Variants in TAT observed in about 807,000 individuals in gnomAD.
The protein encoded by TAT is tyrosine aminotransferase.
A neutral mutation model predicts 53.6 loss-of-function variants in TAT; 35 were observed. That is an observed-to-expected ratio of 0.65 (90% CI 0.50 to 0.87). TAT has a LOEUF of 0.87. Ranked by LOEUF, TAT falls within the 40% of genes least tolerant of loss-of-function variation. The pLI is 0.00. For missense variants in TAT, 525 were observed against 571.8 expected (o/e 0.92, Z 0.83); for synonymous variants, 197 against 206.5 (o/e 0.95, Z 0.39).
At chr16:71,568,836 C>T (rs372893773) in intron 10 of TAT, 27 bp from the exon 11 acceptor site, 261 of 1,582,330 alleles carry the variant, frequency 1.6e-4, no homozygotes, top group Non-Finnish European at 2.2e-4. Flanking sequence ...GAGAGGCCAA[C>T]TTATCAGAAG....
At chr16:71,571,713 T>C (rs1233565102) in intron 6 of TAT, 55 bp from the exon 7 acceptor site, 51 of 1,483,496 alleles carry the variant, frequency 3.4e-5, no homozygotes, top group Non-Finnish European at 4.7e-5. Flanking sequence ...TATCATGTAA[T>C]AGTCACATAA....
At chr16:71,571,242 G>A (rs1307754732) in intron 7 of TAT, among the ~76,000 whole-genome samples, 1 of 152,086 alleles carries the variant, frequency 6.6e-6, no homozygotes, top group East Asian at 1.9e-4. Context: ...CTTACCATAC[G>A]TTATGTAACA....
intron 10 of TAT, 44 bp from the exon 11 acceptor site, chr16:71,568,853 G>C: frequency 6.9e-7 from 1 of 1,451,014 alleles, no homozygotes. Flanking sequence ...GAAGGAGGGA[G>C]AACAGGCCAA....
At chr16:71,570,578 T>C (rs2044195529) in intron 8 of TAT, 101 bp downstream of exon 8, 1 of 1,583,782 alleles carries the variant, frequency 6.3e-7, no homozygotes. Context: ...GCTGCTTGAC[T>C]GACAAGGAGA....
chr16:71,572,267 T>G lies in TAT; in HGVS notation c.625A>C (p.Thr209Pro). The G allele has an allele frequency of 1.9e-6, 3 of 1,614,220 alleles. No homozygotes were observed. The highest frequency in any genetic ancestry group is 2.5e-6 in the Non-Finnish European group (3 of 1,180,020). The change falls in exon 6 of 12, where the codon ACA (threonine) becomes CCA (proline). Residue 209 changes from threonine to proline, a missense_variant. Coordinates refer to ENST00000355962, the MANE Select transcript of TAT (RefSeq NM_000353.3). ...GGATTATTGACAATGAGACAAGCTG[T>G]CTTTTCATCAATTAGATATTCCAGT... is the stretch of plus-strand genomic sequence containing the variant. Reference protein sequence around the residue: ...KQLEYLIDEKTACLIVNNPSN... With the variant: ...KQLEYLIDEKPACLIVNNPSN...
Position 71,567,462 on chromosome 16 carries a change from A to T in TAT, c.*682T>A, listed in dbSNP as rs118086978. On this transcript the variant is annotated 3_prime_UTR_variant, in exon 12 of 12. Coordinates refer to ENST00000355962, the MANE Select transcript of TAT (RefSeq NM_000353.3). ...AGAAAAGCTTATATTGAACTTCTCT[A>T]AAAAAAGAAAAAAAAGAAAGCCTGA... 1.3e-5 allele frequency: 2 copies of T among 152,102 alleles called. No individual in the cohort carries two copies. The highest frequency in any genetic ancestry group is 4.8e-5 in the African/African-American group (2 of 41,406). The allele number at this position is 152,102 out of a possible 1,614,324, so 9.4% of individuals were successfully genotyped here. A position where few individuals can be genotyped will look rare whatever the true frequency, so the allele number is the denominator to read the frequency against.
chr16:71,569,680 G>A (rs1028566131), intron 10 of TAT, among the ~76,000 whole-genome samples, 174 bp downstream of exon 10: 1 of 152,204 alleles, frequency 6.6e-6, no homozygotes, highest in Middle Eastern at 3.2e-3. Flanking sequence ...AACTGATAGA[G>A]GCTAAATTAC....
chr16:71,573,839 TTTTG>T (rs1318348030), intron 3 of TAT, among the ~76,000 whole-genome samples: 1 of 149,468 alleles, frequency 6.7e-6, no homozygotes, highest in Non-Finnish European at 1.5e-5. Context: ...GTTTGTTTTG[TTTTG>T]TTTTTGTTTG....
At chr16:71,573,255 T>A (rs2044215284) in intron 4 of TAT, among the ~76,000 whole-genome samples, 1 of 152,214 alleles carries the variant, frequency 6.6e-6, no homozygotes, top group Admixed American at 6.5e-5. Flanking sequence ...TCTCAAATGA[T>A]CTTTTACAGA....
chr16:71,568,438 T>C (rs890843640), intron 11 of TAT, 154 bp from the exon 12 acceptor site: 6 of 743,338 alleles, frequency 8.1e-6, no homozygotes, highest in Non-Finnish European at 1.3e-5. Flanking sequence ...AGTCAGCAAC[T>C]GAGTTCATTC....
At position 71,566,661 on chromosome 16, in the gene TAT, T is replaced by G. The variant is rs2044165159; in HGVS notation, c.*1483A>C. On this transcript the variant is annotated 3_prime_UTR_variant, in exon 12 of 12. Coordinates refer to ENST00000355962, the MANE Select transcript of TAT (RefSeq NM_000353.3). ...GAGGTTATAACTTACTGCCTCTTGG[T>G]AAGTAGGAAGCCAGAAGTTGAGCTC... is the stretch of plus-strand genomic sequence containing the variant. The G allele has an allele frequency of 6.6e-6, 1 of 151,990 alleles. No individual in the cohort carries two copies. The highest frequency in any genetic ancestry group is 1.5e-5 in the Non-Finnish European group (1 of 68,008). 9.4% of individuals were successfully genotyped at this position (151,990 alleles called of 1,614,324 possible).
At position 71,572,686 on chromosome 16, in the gene TAT, G is replaced by A. The variant is rs757380584; in HGVS notation, c.411C>T (p.Asp137=). ...HCPEAPLEAK[D]VILTSGCSQA... is the part of the protein sequence containing the mutation. ...GGCTGCAGCCACTTGTCAGAATGACGTCCTGTGAAGGAAATAAAAGGTTAA... is the reference window on the plus strand; with the variant it reads ...GGCTGCAGCCACTTGTCAGAATGACATCCTGTGAAGGAAATAAAAGGTTAA... The change falls in exon 5 of 12, where the codon GAC becomes GAT. Residue 137 remains aspartate, a splice_region_variant and synonymous_variant. Transcript: ENST00000355962. 1.2e-5 allele frequency: 20 copies of A among 1,614,210 alleles called. No individual in the cohort carries two copies. Among genetic ancestry groups the A allele is most frequent in the South Asian group, 6.6e-5 (6 of 91,082 alleles).
intron 1 of TAT, 112 bp from the exon 2 acceptor site, chr16:71,576,539 T>C: frequency 5.6e-6 from 5 of 894,070 alleles, no homozygotes; most frequent in Non-Finnish European, 8.9e-6. Context: ...CTTTCCAAAC[T>C]CTCTCTTTAT....
chr16:71,572,217 G>T lies in TAT; in HGVS notation c.675C>A (p.Phe225Leu), dbSNP rs2044207704. Residue 225 changes from phenylalanine (F) to leucine (L), a missense_variant, in exon 6 of 12, where the codon TTC becomes TTA. Coordinates refer to ENST00000355962, the MANE Select transcript of TAT (RefSeq NM_000353.3). ...NNPSNPCGSV[F>L]SKRHLQKILA... ...GAATCTTCTGAAGATGACGTTTGCT[G>T]AACACTGACCCACAGGGGTTTGATG... 1 of 1,614,224 alleles carries T rather than the reference G, an allele frequency of 6.2e-7. No individual in the cohort carries two copies. The highest frequency in any genetic ancestry group is 8.5e-7 in the Non-Finnish European group (1 of 1,180,026).
intron 3 of TAT, chr16:71,575,396 C>A (rs777720726): frequency 6.4e-6 from 1 of 156,892 alleles, no homozygotes; most frequent in Non-Finnish European, 1.4e-5. Context: ...TTCAGTTTGA[C>A]AGCCCATTTT....
In TAT at chr16:71,572,625, G is replaced by C; in HGVS notation, c.472C>G (p.Pro158Ala). ...IDLCLAVLANPGQNILVPRPG... is the reference protein window; with the variant it reads ...IDLCLAVLANAGQNILVPRPG... ...CTTGGAACCAGGATGTTTTGCCCTG[G>C]GTTGGCCAACACAGCTAAACAAAGG... Residue 158 changes from proline to alanine, a missense_variant, in exon 5 of 12, where the codon CCA becomes GCA. Pro to Ala is a conservative substitution (Grantham distance 27). Coordinates refer to ENST00000355962, the MANE Select transcript of TAT (RefSeq NM_000353.3). 6.2e-7 allele frequency: 1 copy of C among 1,614,150 alleles called. No individual in the cohort carries two copies.
At chr16:71,575,055 T>TC (rs2044226535) in intron 3 of TAT, 2 of 152,246 alleles carry the variant, frequency 1.3e-5, no homozygotes, top group African/African-American at 2.4e-5. Context: ...GTTAAAGTCA[T>TC]TAGAAACTTT....
At chr16:71,571,978 G>C in intron 6 of TAT, 2 of 654,814 alleles carry the variant, frequency 3.1e-6, no homozygotes. Flanking sequence ...TTTCTCCTGG[G>C]AGTGATGAAG....
In TAT at chr16:71,568,703, G is replaced by A. The variant is rs1421836860; in HGVS notation, c.1224+8C>T. ...GTTGAGAATGTCCTGAGGGACACAG[G>A]CACCCACCGTTGCTGGGAGGCAGTG... On this transcript the variant is annotated splice_region_variant and intron_variant, in intron 11 of 11. Coordinates refer to ENST00000355962, the MANE Select transcript of TAT (RefSeq NM_000353.3). The A allele has an allele frequency of 1.2e-6, 2 of 1,607,454 alleles. No individual in the cohort carries two copies. The highest frequency in any genetic ancestry group is 1.7e-6 in the Non-Finnish European group (2 of 1,174,530).
Sources: gnomAD v4.1 joint callset for allele counts (sites outside exome capture counted in the v4.1 genomes callset) on GRCh38, gnomAD v4.1.1 for gene constraint, MANE v1.5 for transcripts, NCBI Gene and HGNC (gene_info 2026-07-23, HGNC 2026-07-21) for gene names.